Variants in APOO observed in about 807,000 individuals in gnomAD.
APOO encodes the protein MICOS complex subunit MIC26.
In APOO, 11 loss-of-function variants were observed where a neutral mutation model predicts 23.1. The observed-to-expected ratio is 0.48, with a 90% CI of 0.30 to 0.79. The LOEUF is 0.79. APOO is among the 30% of genes least tolerant of loss of function. APOO has a pLI of 0.07. For missense variants in APOO, 160 were observed against 142.7 expected (o/e 1.12, Z -0.62); for synonymous variants, 59 against 54.8 (o/e 1.08, Z -0.34).
chrX:23,851,491 C>T (rs748863602), intron 7 of APOO, among the ~76,000 whole-genome samples: 2 of 112,146 alleles, frequency 1.8e-5, no homozygotes, highest in South Asian at 3.6e-4. Context: ...CCGCGCCCCA[C>T]GGTAATTTCC....
intron 2 of APOO, 95 bp from the exon 3 acceptor site, chrX:23,879,129 A>AC (rs746819098): frequency 2.0e-6 from 2 of 987,993 alleles, no homozygotes; most frequent in African/African-American, 3.9e-5. Flanking sequence ...TATTTCTAGT[A>AC]ATTCATGAAT....
At chrX:23,865,443 A>C (rs1282407827) in intron 5 of APOO, among the ~76,000 whole-genome samples, 1 of 109,924 alleles carries the variant, frequency 9.1e-6, no homozygotes. Flanking sequence ...GTGTCTACTA[A>C]AAATACAAAA....
intron 4 of APOO, 101 bp from the exon 5 acceptor site, chrX:23,868,789 G>A (rs1925460514): frequency 1.9e-6 from 1 of 530,815 alleles, no homozygotes; most frequent in African/African-American, 2.4e-5. Context: ...AGTATCAAGT[G>A]CTTTTCAAAC....
intron 8 of APOO, among the ~76,000 whole-genome samples, chrX:23,835,353 G>A (rs773018501): frequency 1.8e-5 from 2 of 111,733 alleles, no homozygotes; most frequent in East Asian, 2.8e-4. Flanking sequence ...ATGAGCCACC[G>A]TGCCCGGCAC....
At chrX:23,876,887 G>A (rs913241380) in intron 3 of APOO, among the ~76,000 whole-genome samples, 6 of 112,269 alleles carry the variant, frequency 5.3e-5, no homozygotes, top group African/African-American at 1.9e-4. Flanking sequence ...AAGGAACCAG[G>A]AATTAGAAAT....
At chrX:23,907,086 T>C (rs1927392229) in intron 1 of APOO, among the ~76,000 whole-genome samples, 2 of 112,282 alleles carry the variant, frequency 1.8e-5, no homozygotes, top group South Asian at 7.2e-4. Flanking sequence ...GTGCAGATTT[T>C]CGAAATTAAG....
In APOO at chrX:23,863,663, G is replaced by C. The variant is rs188870211; in HGVS notation, c.388+4930C>G. Among the ~76,000 whole-genome samples, 6 of 111,113 alleles carry C rather than the reference G, an allele frequency of 5.4e-5. No homozygotes were observed. In the East Asian group the frequency reaches 1.4e-3, roughly 26 times the overall value. On this transcript the variant is annotated intron_variant, in intron 5 of 8. Coordinates refer to ENST00000379226, the MANE Select transcript of APOO (RefSeq NM_024122.5). ...TTTTTGAAAGTGACTTAAGCATGTA[G>C]TTCAACAGCACGGCAGAGTAAACCA...
Position 23,907,835 on chromosome X carries a change from T to C in APOO, c.-133A>G. The C allele has an allele frequency of 1.5e-6, 1 of 649,035 alleles. No homozygotes were observed. The highest frequency in any genetic ancestry group is 2.2e-6 in the Non-Finnish European group (1 of 457,338). 53.5% of individuals were successfully genotyped at this position (649,035 alleles called of 1,213,427 possible). ...CAGGCAGCGGTGCGGGTGACGGCCG[T>C]ACTGCAAACTCGGTGCGGCGAAGGT... On this transcript the variant is annotated 5_prime_UTR_variant, in exon 1 of 9. Coordinates refer to ENST00000379226, the MANE Select transcript of APOO (RefSeq NM_024122.5).
chrX:23,885,902 A>G (rs1340271537), intron 1 of APOO, among the ~76,000 whole-genome samples: 1 of 111,513 alleles, frequency 9.0e-6, no homozygotes, highest in Non-Finnish European at 1.9e-5. Context: ...TCACCCCAGG[A>G]GACCTGGGAG....
chrX:23,907,911 C>T lies in APOO; in HGVS notation c.-209G>A, dbSNP rs748003429. The T allele has an allele frequency of 1.0e-5, 4 of 396,632 alleles. No individual in the cohort carries two copies. The highest frequency in any genetic ancestry group is 1.6e-5 in the Non-Finnish European group (4 of 244,906). The allele number at this position is 396,632 out of a possible 1,213,427, so 32.7% of individuals were successfully genotyped here. A position where few individuals can be genotyped will look rare whatever the true frequency, so the allele number is the denominator to read the frequency against. ...GCCGCGTCGCTGAGCCGCAGCGCGT[C>T]GCGCCCGGGCAGCGGGTGAACGCAA... On this transcript the variant is annotated 5_prime_UTR_variant, in exon 1 of 9. Coordinates refer to ENST00000379226, the MANE Select transcript of APOO (RefSeq NM_024122.5).
intron 3 of APOO, among the ~76,000 whole-genome samples, chrX:23,876,565 C>T (rs1307056448): frequency 9.1e-6 from 1 of 110,379 alleles, no homozygotes; most frequent in Non-Finnish European, 1.9e-5. Context: ...CCTTGGGAGG[C>T]CGAGGTGGAC....
rs1037902326 is a variant in APOO, at chrX:23,839,038, T to G, written c.*29+1275A>C. On this transcript the variant is annotated intron_variant, in intron 8 of 8. Coordinates refer to ENST00000379226, the MANE Select transcript of APOO (RefSeq NM_024122.5). Reference sequence around the variant, plus strand: ...AGTCTCTAGAGGACATGTGTCACTCTGTGGCTGCTCACCCTCCAGTCATCC... The same window carrying G: ...AGTCTCTAGAGGACATGTGTCACTCGGTGGCTGCTCACCCTCCAGTCATCC... Among the ~76,000 whole-genome samples the G allele has an allele frequency of 2.7e-5, 3 of 112,012 alleles. No homozygotes were observed. The Admixed American group carries it at 2.9e-4, about 11-fold the overall frequency.
chrX:23,863,208 C>G (rs1326050978), intron 5 of APOO, among the ~76,000 whole-genome samples: 1 of 111,779 alleles, frequency 8.9e-6, no homozygotes, highest in African/African-American at 3.3e-5. Flanking sequence ...GTGGTGCACG[C>G]CTGTAATCCC....
intron 1 of APOO, among the ~76,000 whole-genome samples, chrX:23,885,818 G>A (rs1249845492): frequency 1.8e-5 from 2 of 111,141 alleles, no homozygotes; most frequent in African/African-American, 6.5e-5. Context: ...AAGAAAGCTG[G>A]CTCCTGCAGC....
rs1330101001 is a variant in APOO at position 23,889,868 on chromosome X, A to G, written c.10-8916T>C. On this transcript the variant is annotated intron_variant, in intron 1 of 8. Transcript: ENST00000379226. Reference sequence around the variant, plus strand: ...AGTAGAGACGGGGTTTCACTGTGTTAGCCAGGATGGTCTCAATCTTCTGAC... The same window carrying G: ...AGTAGAGACGGGGTTTCACTGTGTTGGCCAGGATGGTCTCAATCTTCTGAC... 2.7e-4 allele frequency among the ~76,000 whole-genome samples: 30 copies of G among 109,372 alleles called. 1 individual carries two copies. Among genetic ancestry groups the G allele is most frequent in the Admixed American group, 9.9e-5 (1 of 10,146 alleles). 95.0% of individuals were successfully genotyped at this position (109,372 alleles called of 115,157 possible).
intron 7 of APOO, among the ~76,000 whole-genome samples, chrX:23,852,083 C>T (rs1027609160): frequency 1.1e-4 from 12 of 110,969 alleles, no homozygotes; most frequent in African/African-American, 3.9e-4. Context: ...GCCACCATGC[C>T]TGGCTAATTT....
rs1346351986 is a variant in APOO, at chrX:23,903,510, A to G, written c.9+4184T>C. ...CTAGACCTAACATCACCATTTTATGACAAATATTTTCTGACACTCTTCTGG... is the reference window on the plus strand; with the variant it reads ...CTAGACCTAACATCACCATTTTATGGCAAATATTTTCTGACACTCTTCTGG... On this transcript the variant is annotated intron_variant, in intron 1 of 8. Transcript: ENST00000379226. Among the ~76,000 whole-genome samples the G allele has an allele frequency of 2.7e-5, 3 of 111,953 alleles. No homozygotes were observed. The East Asian group carries it at 8.4e-4, about 31-fold the overall frequency.
intron 7 of APOO, among the ~76,000 whole-genome samples, chrX:23,853,000 G>C (rs1281382195): frequency 9.1e-6 from 1 of 110,426 alleles, no homozygotes; most frequent in Admixed American, 9.8e-5. Flanking sequence ...GCTCACGCCT[G>C]TAATCCCAGC....
At chrX:23,847,629 A>AAAAAG (rs955582568) in intron 7 of APOO, among the ~76,000 whole-genome samples, 5 of 108,442 alleles carry the variant, frequency 4.6e-5, no homozygotes, top group East Asian at 5.8e-4. Context: ...CCATCTCAAA[A>AAAAAG]AAAAGAAAAG....
Sources: allele counts gnomAD v4.1 joint callset (sites outside exome capture counted in the v4.1 genomes callset), GRCh38; gene constraint gnomAD v4.1.1; transcripts MANE v1.5; gene names NCBI Gene and HGNC (gene_info 2026-07-23, HGNC 2026-07-21).